Variants in PTPRD observed in about 807,000 individuals in gnomAD.
The protein encoded by PTPRD is protein tyrosine phosphatase receptor type D.
In PTPRD, 34 loss-of-function variants were observed where a neutral mutation model predicts 214.5. That is an observed-to-expected ratio of 0.16 (90% confidence interval 0.12 to 0.21). PTPRD has a LOEUF of 0.21. Ranked by LOEUF, PTPRD falls within the 10% of genes least tolerant of loss-of-function variation. PTPRD has a pLI of 1.00. For synonymous variants in PTPRD, 1,128 were observed against 845.7 expected (o/e 1.33, Z -5.79); for missense variants, 2,545 against 2,398.7 (o/e 1.06, Z -1.27).
intron 9 of PTPRD, among the ~76,000 whole-genome samples, chr9:9,281,200 T>C (rs1947569646): frequency 6.6e-6 from 1 of 151,182 alleles, no homozygotes. Context: ...TTAGGTATGG[T>C]GATGGCTTTT....
rs2154349296 is a variant in PTPRD, at chr9:10,221,459, A to G, written c.-545+119504T>C. Among the ~76,000 whole-genome samples, 4 of 152,160 alleles carry G rather than the reference A, an allele frequency of 2.6e-5. No homozygotes were observed. In the South Asian group the frequency reaches 8.3e-4, roughly 32 times the overall value. On this transcript the variant is annotated intron_variant, in intron 3 of 45. Coordinates refer to ENST00000381196, the MANE Select transcript of PTPRD (RefSeq NM_002839.4). ...CTTCCAACTTTCATTTGTATTGTCA[A>G]TAAAAATGTATATATTGAACACAAC...
intron 5 of PTPRD, among the ~76,000 whole-genome samples, chr9:9,861,118 C>G (rs1419884429): frequency 6.6e-6 from 1 of 152,106 alleles, no homozygotes; most frequent in African/African-American, 2.4e-5. Context: ...ACACTAGCAT[C>G]TATAATAAAT....
intron 9 of PTPRD, among the ~76,000 whole-genome samples, chr9:9,269,694 TG>T (rs1180316886): frequency 6.6e-6 from 1 of 151,428 alleles, no homozygotes; most frequent in African/African-American, 2.4e-5. Flanking sequence ...AAGAAAATCC[TG>T]CTATTTGTGA....
At chr9:8,881,592 A>C (rs1225163267) in intron 11 of PTPRD, among the ~76,000 whole-genome samples, 2 of 152,172 alleles carry the variant, frequency 1.3e-5, no homozygotes, top group Non-Finnish European at 2.9e-5. Flanking sequence ...CAGACAACTA[A>C]CCATAATTCA....
chr9:10,575,700 T>A (rs139653414), intron 2 of PTPRD, among the ~76,000 whole-genome samples: 1 of 152,124 alleles, frequency 6.6e-6, no homozygotes, highest in East Asian at 1.9e-4. Context: ...CTAGGTCATA[T>A]CTTCAAAAGA....
At chr9:8,732,099 A>C (rs745343300) in intron 12 of PTPRD, among the ~76,000 whole-genome samples, 2 of 152,234 alleles carry the variant, frequency 1.3e-5, no homozygotes, top group African/African-American at 4.8e-5. Flanking sequence ...CGAGAGGAAG[A>C]TGGAGGAGAA....
In PTPRD at chr9:9,956,065, G is replaced by A. The variant is rs567021481; in HGVS notation, c.-471-17455C>T. On this transcript the variant is annotated intron_variant, in intron 4 of 45. Transcript: ENST00000381196. ...ACTAACTGTTGATCACGTGTTAAAT[G>A]CAAGCTTTTAAAAAAATATATAGAT... Among the ~76,000 whole-genome samples, 155 of 152,158 alleles carry A rather than the reference G, an allele frequency of 1.0e-3. 1 individual carries two copies. The highest frequency in any genetic ancestry group is 2.0e-3 in the Admixed American group (30 of 15,288).
intron 12 of PTPRD, among the ~76,000 whole-genome samples, chr9:8,726,008 C>G (rs1051847973): frequency 1.4e-5 from 2 of 143,976 alleles, no homozygotes; most frequent in East Asian, 2.1e-4. Context: ...TTCCACATAG[C>G]AGACAGACAG....
intron 39 of PTPRD, among the ~76,000 whole-genome samples, chr9:8,349,101 T>G (rs1564161627): frequency 6.6e-6 from 1 of 152,024 alleles, no homozygotes; most frequent in South Asian, 2.1e-4. Context: ...CCCAGATCAA[T>G]AACACATAGG....
intron 3 of PTPRD, among the ~76,000 whole-genome samples, chr9:10,207,171 C>T (rs899248459): frequency 1.3e-5 from 2 of 152,156 alleles, no homozygotes; most frequent in Non-Finnish European, 1.5e-5. Context: ...AAGACCACTT[C>T]TTTTCCTCAC....
At chr9:8,829,281 C>T (rs529886179) in intron 11 of PTPRD, among the ~76,000 whole-genome samples, 1 of 152,280 alleles carries the variant, frequency 6.6e-6, no homozygotes, top group South Asian at 2.1e-4. Context: ...CTCCTCTTCC[C>T]TCACTCCCAG....
At chr9:10,151,255 A>T (rs1592498927) in intron 3 of PTPRD, among the ~76,000 whole-genome samples, 3 of 27,394 alleles carry the variant, frequency 1.1e-4, no homozygotes, top group African/African-American at 2.9e-4. Context: ...TTTTTTGTTA[A>T]CTTTTTTTTT....
chr9:8,469,050 G>A (rs1214742874), intron 31 of PTPRD, among the ~76,000 whole-genome samples: 1 of 151,848 alleles, frequency 6.6e-6, no homozygotes. Context: ...AGAAAAGTGG[G>A]AAACAACCCA....
intron 11 of PTPRD, among the ~76,000 whole-genome samples, chr9:8,746,364 G>A (rs558915372): frequency 2.0e-5 from 3 of 152,256 alleles, no homozygotes; most frequent in Middle Eastern, 3.4e-3. Context: ...AAAATTTCCT[G>A]CAGCAATAAA....
chr9:8,459,187 G>A lies in PTPRD; in HGVS notation c.3875+1224C>T, dbSNP rs149710836. Among the ~76,000 whole-genome samples, 623 of 152,128 alleles carry A rather than the reference G, an allele frequency of 4.1e-3. 3 individuals are homozygous for A. Among genetic ancestry groups the A allele is most frequent in the Middle Eastern group, 0.021 (6 of 292 alleles). ...ATTAATATAAACCCCCCAAAAGGGA[G>A]CTAGATGGGTAGGAAAAAGAGTGAA... On this transcript the variant is annotated intron_variant, in intron 33 of 45. Coordinates refer to ENST00000381196, the MANE Select transcript of PTPRD (RefSeq NM_002839.4).
intron 3 of PTPRD, among the ~76,000 whole-genome samples, chr9:10,244,253 T>G (rs1340640841): frequency 6.6e-6 from 1 of 152,128 alleles, no homozygotes; most frequent in Non-Finnish European, 1.5e-5. Context: ...CATTATCTCT[T>G]CATTGTGCTC....
chr9:10,205,228 A>T (rs975677445), intron 3 of PTPRD, among the ~76,000 whole-genome samples: 1 of 151,566 alleles, frequency 6.6e-6, no homozygotes. Context: ...TTATTTCAGA[A>T]TTTTTTTTCA....
chr9:10,518,730 T>C (rs141779828), intron 2 of PTPRD, among the ~76,000 whole-genome samples: 2,494 of 152,132 alleles, frequency 0.016, 164 homozygotes, highest in Admixed American at 0.13. Flanking sequence ...GACAGGGTTT[T>C]ACCGTGTTAG....
At chr9:8,344,654 T>C (rs529909201) in intron 39 of PTPRD, among the ~76,000 whole-genome samples, 1 of 152,164 alleles carries the variant, frequency 6.6e-6, no homozygotes, top group African/African-American at 2.4e-5. Context: ...CTTAATGTGT[T>C]ACCTTCTTCT....
Sources: gnomAD v4.1 joint callset for allele counts (sites outside exome capture counted in the v4.1 genomes callset) on GRCh38, gnomAD v4.1.1 for gene constraint, MANE v1.5 for transcripts, NCBI Gene and HGNC (gene_info 2026-07-23, HGNC 2026-07-21) for gene names.